GRIK2: variants seen among roughly 807,000 people sequenced by gnomAD.
GRIK2 encodes the protein glutamate receptor ionotropic, kainate 2.
In GRIK2, 32 loss-of-function variants were observed where a neutral mutation model predicts 100.3. That is an observed-to-expected ratio of 0.32 (90% CI 0.24 to 0.43). The LOEUF (loss-of-function observed/expected upper bound fraction) is 0.43, where lower values mean the gene tolerates loss of function less well. GRIK2 is among the 20% of genes least tolerant of loss of function. GRIK2 has a pLI of 1.00. For synonymous variants in GRIK2, 417 were observed against 389.4 expected (o/e 1.07, Z -0.83); for missense variants, 843 against 1,114.9 (o/e 0.76, Z 3.47).
At chr6:101,410,335 A>G (rs757785869) in intron 2 of GRIK2, among the ~76,000 whole-genome samples, 2 of 152,120 alleles carry the variant, frequency 1.3e-5, no homozygotes, top group African/African-American at 2.4e-5. Context: ...TGATTCAGGA[A>G]AGTTTCATAA....
At chr6:101,568,721 A>T (rs1203731766) in intron 2 of GRIK2, among the ~76,000 whole-genome samples, 2 of 152,082 alleles carry the variant, frequency 1.3e-5, no homozygotes, top group Non-Finnish European at 2.9e-5. Context: ...TAACTATCTT[A>T]AAAGTTATTA....
At chr6:101,980,508 A>G (rs1023759745) in intron 14 of GRIK2, among the ~76,000 whole-genome samples, 11 of 151,940 alleles carry the variant, frequency 7.2e-5, no homozygotes, top group African/African-American at 2.7e-4. Flanking sequence ...CTTTGCTCTT[A>G]TCTCTATAAT....
intron 2 of GRIK2, among the ~76,000 whole-genome samples, chr6:101,490,171 CTAAA>C: frequency 7.6e-6 from 1 of 132,132 alleles, no homozygotes; most frequent in East Asian, 2.3e-4. Context: ...AAAATAAGCA[CTAAA>C]TAATTAAGTA....
At chr6:101,796,733 C>T (rs1000719960) in intron 7 of GRIK2, among the ~76,000 whole-genome samples, 5 of 152,120 alleles carry the variant, frequency 3.3e-5, no homozygotes, top group East Asian at 1.9e-4. Context: ...TTGTTACAGA[C>T]AGTAGTCTCA....
intron 7 of GRIK2, among the ~76,000 whole-genome samples, chr6:101,759,255 T>C (rs1777330725): frequency 1.3e-5 from 2 of 152,224 alleles, no homozygotes; most frequent in Admixed American, 6.5e-5. Flanking sequence ...AGTTTGAACA[T>C]GCTATTGAAG....
chr6:101,885,621 T>C (rs907013179), intron 11 of GRIK2, among the ~76,000 whole-genome samples: 2 of 152,158 alleles, frequency 1.3e-5, no homozygotes, highest in African/African-American at 4.8e-5. Context: ...GCTATTACTA[T>C]GATATTCATT....
At chr6:101,663,754 T>C (rs1256644703) in intron 4 of GRIK2, among the ~76,000 whole-genome samples, 1 of 152,222 alleles carries the variant, frequency 6.6e-6, no homozygotes, top group East Asian at 1.9e-4. Flanking sequence ...GATGCATTTC[T>C]GGGTTGTGTT....
rs1562444559 is a variant in GRIK2, at chr6:101,859,445, T to C, written c.1476T>C (p.Asp492=). The part of the protein sequence containing the change: ...LVEDGKYGAQ[D]DANGQWNGMV... ...AAGATGGGAAATATGGAGCCCAGGA[T>C]GATGCCAATGGACAATGGAATGGAA... Residue 492 remains aspartate (D), a synonymous_variant, in exon 11 of 17, where the codon GAT becomes GAC. Coordinates refer to ENST00000369134, the MANE Select transcript of GRIK2 (RefSeq NM_021956.5). 1 of 1,610,228 alleles carries C rather than the reference T, an allele frequency of 6.2e-7. No individual in the cohort carries two copies. Among genetic ancestry groups the C allele is most frequent in the Non-Finnish European group, 8.5e-7 (1 of 1,176,858 alleles).
At chr6:101,895,576 T>A (rs1787383669) in intron 12 of GRIK2, among the ~76,000 whole-genome samples, 1 of 151,786 alleles carries the variant, frequency 6.6e-6, no homozygotes, top group Admixed American at 6.6e-5. Context: ...TGAATTATTA[T>A]GCACTTAAAA....
At chr6:101,641,218 T>C (rs577839015) in intron 4 of GRIK2, among the ~76,000 whole-genome samples, 6 of 152,064 alleles carry the variant, frequency 3.9e-5, no homozygotes, top group Non-Finnish European at 8.8e-5. Flanking sequence ...ATAGTTTTAC[T>C]TTTTAACTTT....
At chr6:101,511,989 T>A (rs2128278358) in intron 2 of GRIK2, among the ~76,000 whole-genome samples, 1 of 152,010 alleles carries the variant, frequency 6.6e-6, no homozygotes, top group African/African-American at 2.4e-5. Flanking sequence ...TCCAGAAGTA[T>A]CATTTATACA....
intron 2 of GRIK2, among the ~76,000 whole-genome samples, chr6:101,531,766 G>C (rs961860965): frequency 6.6e-6 from 1 of 151,780 alleles, no homozygotes; most frequent in African/African-American, 2.4e-5. Context: ...CATTATCCAG[G>C]CTATCAGAAA....
intron 10 of GRIK2, among the ~76,000 whole-genome samples, chr6:101,833,168 T>G (rs939161313): frequency 1.5e-5 from 2 of 132,216 alleles, no homozygotes; most frequent in Non-Finnish European, 3.0e-5. Context: ...GTTCATTAAT[T>G]ATATGCCCTT....
At chr6:101,755,598 A>T (rs1406501692) in intron 7 of GRIK2, among the ~76,000 whole-genome samples, 2 of 152,212 alleles carry the variant, frequency 1.3e-5, no homozygotes, top group East Asian at 3.9e-4. Context: ...AATGAGTTCC[A>T]TCTTCCAGAT....
In GRIK2 at chr6:101,965,760, GTAA is replaced by G. The variant is rs1352228061; in HGVS notation, c.2085+37129_2085+37131del. Among the ~76,000 whole-genome samples the G allele has an allele frequency of 4.0e-4, 61 of 152,038 alleles. 1 individual carries two copies. The highest frequency in any genetic ancestry group is 1.4e-3 in the African/African-American group (59 of 41,482). ...AATTGGTTAATTTTACCTCATTTGA[GTAA>G]ATCTCAAATGAGGTAAAGTATAGGA... On this transcript the variant is annotated intron_variant, in intron 14 of 16. Transcript: ENST00000369134.
intron 2 of GRIK2, among the ~76,000 whole-genome samples, chr6:101,537,811 A>G (rs572917309): frequency 3.9e-5 from 6 of 151,928 alleles, no homozygotes; most frequent in Admixed American, 3.9e-4. Context: ...TGCCACTGCC[A>G]TCAAACAAAG....
At chr6:101,410,630 A>T (rs1281909500) in intron 2 of GRIK2, among the ~76,000 whole-genome samples, 2 of 152,166 alleles carry the variant, frequency 1.3e-5, no homozygotes, top group Non-Finnish European at 2.9e-5. Flanking sequence ...GAGAATCCAC[A>T]GGACCATTTG....
intron 11 of GRIK2, among the ~76,000 whole-genome samples, chr6:101,865,669 C>T (rs951220378): frequency 2.6e-5 from 4 of 151,874 alleles, no homozygotes; most frequent in South Asian, 4.1e-4. Context: ...GGCAGATCAC[C>T]TGAGGTTAGG....
At chr6:101,439,878 A>G (rs571737150) in intron 2 of GRIK2, among the ~76,000 whole-genome samples, 3 of 152,254 alleles carry the variant, frequency 2.0e-5, no homozygotes, top group South Asian at 2.1e-4. Flanking sequence ...AATAATTTTT[A>G]TCTTTGAGAG....
Sources: allele counts gnomAD v4.1 joint callset (sites outside exome capture counted in the v4.1 genomes callset), GRCh38; gene constraint gnomAD v4.1.1; transcripts MANE v1.5; gene names NCBI Gene and HGNC (gene_info 2026-07-23, HGNC 2026-07-21).